Variants in LCORL observed in about 807,000 individuals in gnomAD.
The protein encoded by LCORL is ligand dependent nuclear receptor corepressor like.
LCORL carries 41 observed loss-of-function variants against 141.8 expected under a neutral mutation model. That is an observed-to-expected ratio of 0.29 (90% CI 0.23 to 0.38). The LOEUF is 0.38. Among genes scored for constraint, LCORL ranks in the 10% least tolerant of loss-of-function variants. LCORL has a pLI of 1.00. For synonymous variants in LCORL, 618 were observed against 694.1 expected, an observed-to-expected ratio of 0.89 and a Z score of 1.72; for missense variants, 1,759 against 2,035.0, an observed-to-expected ratio of 0.86 and a Z score of 2.61.
At chr4:17,919,207 C>T (rs1341234928) in intron 4 of LCORL, among the ~76,000 whole-genome samples, 2 of 152,018 alleles carry the variant, frequency 1.3e-5, no homozygotes, top group African/African-American at 2.4e-5. Context: ...CAAGAAGTAA[C>T]AGAAAATATG....
At chr4:17,857,974 CCATGCATG>C (rs936452014) in intron 7 of LCORL, among the ~76,000 whole-genome samples, 1 of 152,070 alleles carries the variant, frequency 6.6e-6, no homozygotes, top group African/African-American at 2.4e-5. Flanking sequence ...CTGAAAATTA[CCATGCATG>C]CATGCATGCA....
At position 17,917,409 on chromosome 4, in the gene LCORL, C is replaced by T. The variant is rs1448937358; in HGVS notation, c.431-8064G>A. Among the ~76,000 whole-genome samples the T allele has an allele frequency of 2.0e-5, 3 of 152,214 alleles. No homozygotes were observed. The East Asian group carries it at 5.8e-4, about 29-fold the overall frequency. On this transcript the variant is annotated intron_variant, in intron 4 of 7. Transcript: ENST00000635767. Reference sequence around the variant, plus strand: ...GGTTTTGCCATGTTGGCCAGGCTGACCTTGAACTCCCGACCTCAGGTGATC... The same window carrying T: ...GGTTTTGCCATGTTGGCCAGGCTGATCTTGAACTCCCGACCTCAGGTGATC...
chr4:17,841,484 T>C (rs2109070688), exon 8 of LCORL: 1 of 152,100 alleles, frequency 6.6e-6, no homozygotes, highest in South Asian at 2.1e-4. Flanking sequence ...TTGGATGTTT[T>C]CTTGGGGATA....
At chr4:18,009,031 G>A (rs1225893903) in intron 1 of LCORL, among the ~76,000 whole-genome samples, 2 of 151,986 alleles carry the variant, frequency 1.3e-5, no homozygotes, top group East Asian at 1.9e-4. Context: ...GGAAATTAAC[G>A]GTAATACACT....
chr4:17,902,380 G>A (rs887463212), intron 5 of LCORL, among the ~76,000 whole-genome samples: 9 of 152,024 alleles, frequency 5.9e-5, no homozygotes, highest in Admixed American at 1.3e-4. Context: ...TTTTCAGGTC[G>A]ACTAAAACAT....
chr4:17,914,179 T>A (rs1397685517), intron 4 of LCORL, among the ~76,000 whole-genome samples: 1 of 152,264 alleles, frequency 6.6e-6, no homozygotes, highest in Non-Finnish European at 1.5e-5. Flanking sequence ...GCTTGATGAT[T>A]ATCTTTAGAA....
rs1560464183 is a variant in LCORL, at chr4:17,998,988, ATATATATATATATATACACACATATAT to A, written c.154+22583_154+22609del. Among the ~76,000 whole-genome samples, 444 of 53,892 alleles carry A rather than the reference ATATATATATATATATACACACATATAT, an allele frequency of 8.2e-3. 3 individuals carry two copies. The highest frequency in any genetic ancestry group is 0.027 in the African/African-American group (414 of 15,094). The allele number at this position is 53,892 out of a possible 152,430, so 35.4% of individuals were successfully genotyped here. A position where few individuals can be genotyped will look rare whatever the true frequency, so the allele number is the denominator to read the frequency against. On this transcript the variant is annotated intron_variant, in intron 1 of 7. Transcript: ENST00000635767. ...TCAAAAAAAAAAAAAAAAAAAAAAT[ATATATATATATATATACACACATATAT>A]ATATATATATATATAGTATAGTAAA...
intron 1 of LCORL, among the ~76,000 whole-genome samples, chr4:18,001,904 T>C (rs1722030658): frequency 6.6e-6 from 1 of 152,200 alleles, no homozygotes. Context: ...ACAAATTATA[T>C]ACATATATGG....
Position 17,884,790 on chromosome 4 carries a change from T to A in LCORL, c.776+1278A>T. ...AATGAAACGATGGTAAACTGATGCA[T>A]GAGAGACTCTCACACAGCTATGGAA... On this transcript the variant is annotated intron_variant, in intron 6 of 7. Transcript: ENST00000635767. The surrounding 1 kb of genome is among the most constrained non-coding windows in gnomAD (Gnocchi z 4.4). 8.5e-7 allele frequency: 1 copy of A among 1,173,792 alleles called. No homozygotes were observed. The allele number at this position is 1,173,792 out of a possible 1,614,324, so 72.7% of individuals were successfully genotyped here.
chr4:17,885,587 A>G lies in LCORL; in HGVS notation c.776+481T>C, dbSNP rs77612492. ...AATGATTAATGACACTTTTCAAAAC[A>G]TGAGAGGACTTTTTGTGGTGATTAC... On this transcript the variant is annotated intron_variant, in intron 6 of 7. Transcript: ENST00000635767. Among the ~76,000 whole-genome samples, 500 of 152,024 alleles carry G rather than the reference A, an allele frequency of 3.3e-3. 4 individuals are homozygous for G. Among genetic ancestry groups the G allele is most frequent in the African/African-American group, 0.011 (469 of 41,520 alleles).
intron 4 of LCORL, among the ~76,000 whole-genome samples, chr4:17,955,974 C>T (rs1045248488): frequency 6.6e-6 from 1 of 151,942 alleles, no homozygotes; most frequent in Non-Finnish European, 1.5e-5. Flanking sequence ...CATAAATAAT[C>T]CCATTAAAAA....
intron 1 of LCORL, among the ~76,000 whole-genome samples, chr4:17,997,745 A>G (rs1721133257): frequency 6.6e-6 from 1 of 151,646 alleles, no homozygotes; most frequent in Non-Finnish European, 1.5e-5. Context: ...AACTGGGAGA[A>G]AGAGGATGGT....
intron 4 of LCORL, among the ~76,000 whole-genome samples, chr4:17,942,008 T>C (rs560578469): frequency 5.5e-4 from 84 of 152,296 alleles, no homozygotes; most frequent in Middle Eastern, 3.4e-3. Flanking sequence ...TTGTGGAGAA[T>C]TATAGTTAGG....
intron 1 of LCORL, among the ~76,000 whole-genome samples, chr4:18,013,580 C>T (rs1032542098): frequency 6.6e-6 from 1 of 152,114 alleles, no homozygotes; most frequent in South Asian, 2.1e-4. Context: ...ATGATAGGGG[C>T]TAAGAAGAAA....
intron 4 of LCORL, among the ~76,000 whole-genome samples, chr4:17,949,909 ACTC>A (rs1249681597): frequency 6.6e-6 from 1 of 152,046 alleles, no homozygotes; most frequent in East Asian, 1.9e-4. Flanking sequence ...CTGTAGCAGC[ACTC>A]CTCACTGAAT....
At chr4:17,882,164 A>T (rs1727659755) in intron 6 of LCORL, 1 of 983,780 alleles carries the variant, frequency 1.0e-6, no homozygotes, top group African/African-American at 1.8e-5. Flanking sequence ...TATTACACGT[A>T]TATATGATTA....
At chr4:17,912,454 G>A in intron 4 of LCORL, 1 of 570,746 alleles carries the variant, frequency 1.8e-6, no homozygotes, top group Non-Finnish European at 3.3e-6. Context: ...AGACATCTGG[G>A]CCCAATACGA....
intron 4 of LCORL, among the ~76,000 whole-genome samples, chr4:17,946,742 C>G (rs1340094901): frequency 6.6e-6 from 1 of 151,884 alleles, no homozygotes; most frequent in Non-Finnish European, 1.5e-5. Flanking sequence ...TCTTTTAAGG[C>G]CTACAATCTC....
At chr4:17,888,284 C>T (rs1728580176) in intron 5 of LCORL, among the ~76,000 whole-genome samples, 1 of 152,064 alleles carries the variant, frequency 6.6e-6, no homozygotes, top group Admixed American at 6.6e-5. Context: ...ACTGAAGAAG[C>T]AAAGTACCTG....
Sources: gnomAD v4.1 joint callset for allele counts (sites outside exome capture counted in the v4.1 genomes callset) on GRCh38, gnomAD v4.1.1 for gene constraint, Gnocchi (gnomAD v3.1) non-coding constraint, MANE v1.5 for transcripts, NCBI Gene and HGNC (gene_info 2026-07-23, HGNC 2026-07-21) for gene names.